The following HDAC9 variants were observed in gnomAD, a reference collection of about 807,000 sequenced individuals.
HDAC9 encodes the protein histone deacetylase 9.
Under a neutral mutation model 139.4 loss-of-function variants are expected in HDAC9, and 41 were observed. That is an observed-to-expected ratio of 0.29 (90% CI 0.23 to 0.38). The LOEUF is 0.38. Ranked by LOEUF, HDAC9 falls within the 10% of genes least tolerant of loss-of-function variation. HDAC9 has a pLI of 1.00. For synonymous variants in HDAC9, 517 were observed against 476.2 expected (o/e 1.09, Z -1.12); for missense variants, 1,147 against 1,297.0 (o/e 0.88, Z 1.78).
chr7:18,292,413 A>G lies in HDAC9; in HGVS notation c.-42+1898A>G, dbSNP rs1451110043. ...GTGGTTTTGCTCTTAGGCTTCCTGA[A>G]GATGAAAGTCGTCAGTATTCCTATA... On this transcript the variant is annotated intron_variant, in intron 1 of 3. Coordinates refer to the HDAC9 transcript ENST00000413509. Among the ~76,000 whole-genome samples, 3 of 152,130 alleles carry G rather than the reference A, an allele frequency of 2.0e-5. No homozygotes were observed. The South Asian group carries it at 6.2e-4, about 31-fold the overall frequency.
intron 2 of HDAC9, chr7:18,517,550 C>G (rs1042240267): frequency 3.3e-5 from 5 of 152,240 alleles, no homozygotes; most frequent in Admixed American, 1.3e-4. Flanking sequence ...TACATTCATT[C>G]TAAAGAATTA....
chr7:18,186,594 G>T (rs1350969032), intron 2 of HDAC9, among the ~76,000 whole-genome samples: 1 of 152,204 alleles, frequency 6.6e-6, no homozygotes, highest in East Asian at 1.9e-4. Flanking sequence ...AGTGGCTTGA[G>T]GAATGTCAGG....
intron 21 of HDAC9, among the ~76,000 whole-genome samples, chr7:18,848,188 C>A (rs1436668372): frequency 6.6e-6 from 1 of 152,146 alleles, no homozygotes; most frequent in Non-Finnish European, 1.5e-5. Context: ...GCTTCCTAAC[C>A]TTTCCTAAGC....
intron 22 of HDAC9, among the ~76,000 whole-genome samples, chr7:18,886,015 T>C (rs1399285290): frequency 6.6e-6 from 1 of 152,206 alleles, no homozygotes; most frequent in Non-Finnish European, 1.5e-5. Context: ...AGTTCACTCA[T>C]ATATATTTAA....
chr7:18,906,145 A>AT (rs1228870920), intron 22 of HDAC9, among the ~76,000 whole-genome samples: 10 of 123,210 alleles, frequency 8.1e-5, no homozygotes, highest in South Asian at 7.8e-4. Context: ...TTTTAACGTT[A>AT]TTTTTTTTCT....
At chr7:18,596,306 T>G (rs903692115) in intron 6 of HDAC9, among the ~76,000 whole-genome samples, 1 of 152,234 alleles carries the variant, frequency 6.6e-6, no homozygotes, top group East Asian at 1.9e-4. Context: ...AAAAATAAGA[T>G]GTAATTAAAT....
intron 2 of HDAC9, among the ~76,000 whole-genome samples, chr7:18,243,024 G>A (rs1181307127): frequency 8.5e-6 from 1 of 118,248 alleles, no homozygotes; most frequent in Admixed American, 9.2e-5. Context: ...AGATGTGGAA[G>A]GTTACTTATC....
chr7:18,830,568 C>A (rs1049970524), intron 19 of HDAC9, among the ~76,000 whole-genome samples: 49 of 152,218 alleles, frequency 3.2e-4, no homozygotes, highest in African/African-American at 1.2e-3. Context: ...TAAGCAGGCA[C>A]ACCAAAGGGT....
In HDAC9 at chr7:18,585,252, C is replaced by G. The variant is rs768198165; in HGVS notation, c.23-29C>G. 3.1e-6 allele frequency: 5 copies of G among 1,608,528 alleles called. No homozygotes were observed. The Admixed American group carries it at 8.4e-5, about 27-fold the overall frequency. On this transcript the variant is annotated intron_variant, in intron 2 of 25. Transcript: ENST00000686413. Reference sequence around the variant, plus strand: ...CCAATCTTCTATTACCCTCCCCCACCCCATTTCCCTTTTTTTCTGGTTCTT... The same window carrying G: ...CCAATCTTCTATTACCCTCCCCCACGCCATTTCCCTTTTTTTCTGGTTCTT...
chr7:18,555,208 T>C (rs113140403), intron 2 of HDAC9, among the ~76,000 whole-genome samples: 4 of 152,338 alleles, frequency 2.6e-5, no homozygotes, highest in African/African-American at 7.2e-5. Flanking sequence ...CATTTGGCAG[T>C]AGGTATCAAG....
At chr7:18,112,919 T>G (rs1448109464) in intron 1 of HDAC9, among the ~76,000 whole-genome samples, 3 of 152,062 alleles carry the variant, frequency 2.0e-5, no homozygotes, top group African/African-American at 4.8e-5. Flanking sequence ...GGAGAGCGTT[T>G]GTTTGTTTGT....
At chr7:18,103,101 T>C (rs1244745114) in intron 1 of HDAC9, among the ~76,000 whole-genome samples, 1 of 152,148 alleles carries the variant, frequency 6.6e-6, no homozygotes, top group Non-Finnish European at 1.5e-5. Flanking sequence ...AGGCACATCT[T>C]ACATAGTGGC....
intron 12 of HDAC9, among the ~76,000 whole-genome samples, chr7:18,726,987 A>G (rs1255582564): frequency 2.0e-5 from 3 of 152,176 alleles, no homozygotes; most frequent in Non-Finnish European, 2.9e-5. Flanking sequence ...ATTAAAAACC[A>G]AATAATTTTA....
chr7:18,620,062 C>T (rs1215325216), intron 6 of HDAC9, among the ~76,000 whole-genome samples: 2 of 152,096 alleles, frequency 1.3e-5, no homozygotes, highest in African/African-American at 4.8e-5. Flanking sequence ...GGGGGAGTTG[C>T]CTCAGCACTT....
chr7:18,842,225 A>T (rs561771862), intron 21 of HDAC9, among the ~76,000 whole-genome samples: 2 of 152,222 alleles, frequency 1.3e-5, no homozygotes, highest in East Asian at 3.9e-4. Flanking sequence ...TATTTTCCCA[A>T]GGATGTTGAA....
intron 1 of HDAC9, among the ~76,000 whole-genome samples, chr7:18,314,453 G>A (rs940689066): frequency 8.5e-5 from 13 of 152,286 alleles, no homozygotes; most frequent in African/African-American, 2.6e-4. Context: ...TAATAGTTAC[G>A]TTTGATATGA....
intron 2 of HDAC9, among the ~76,000 whole-genome samples, chr7:18,270,010 G>C (rs1302770873): frequency 1.3e-5 from 2 of 152,038 alleles, no homozygotes; most frequent in African/African-American, 4.8e-5. Flanking sequence ...CTTTGTTGTA[G>C]GGGCCTGTTG....
rs78645749 is a variant in HDAC9, at chr7:18,982,733, T to C, written c.3170+6780T>C. Among the ~76,000 whole-genome samples, 666 of 152,288 alleles carry C rather than the reference T, an allele frequency of 4.4e-3. 27 individuals carry two copies. The East Asian group carries it at 0.11, about 25-fold the overall frequency. Reference sequence around the variant, plus strand: ...TTTCATTTAAATGGAATCATGCGTGTGTACTGTATTTCTTAATCTGACTTA... The same window carrying C: ...TTTCATTTAAATGGAATCATGCGTGCGTACTGTATTTCTTAATCTGACTTA... On this transcript the variant is annotated intron_variant, in intron 25 of 25. Coordinates refer to ENST00000686413, the MANE Select transcript of HDAC9 (RefSeq NM_178425.4).
chr7:18,856,806 G>T (rs938633018), intron 21 of HDAC9, among the ~76,000 whole-genome samples: 1 of 151,884 alleles, frequency 6.6e-6, no homozygotes, highest in African/African-American at 2.4e-5. Context: ...CATCGATTTG[G>T]GTCTCTGTGA....
Sources: allele counts gnomAD v4.1 joint callset (sites outside exome capture counted in the v4.1 genomes callset), GRCh38; gene constraint gnomAD v4.1.1; transcripts MANE v1.5; gene names NCBI Gene and HGNC (gene_info 2026-07-23, HGNC 2026-07-21).